PCCA: variants seen among roughly 807,000 people sequenced by gnomAD.
PCCA encodes propionyl-CoA carboxylase subunit alpha.
Under a neutral mutation model 101.3 loss-of-function variants are expected in PCCA, and 74 were observed. The ratio of observed to expected loss-of-function variants is 0.73; its 90% CI spans 0.61 to 0.89. PCCA has a LOEUF of 0.89. Among genes scored for constraint, PCCA ranks in the 40% least tolerant of loss-of-function variants. The pLI is 0.00. For missense variants in PCCA, 891 were observed against 907.0 expected (o/e 0.98, Z 0.23); for synonymous variants, 294 against 313.6 (o/e 0.94, Z 0.66).
chr13:100,225,792 C>CT (rs532050765), intron 7 of PCCA, among the ~76,000 whole-genome samples: 48 of 149,990 alleles, frequency 3.2e-4, no homozygotes, highest in Admixed American at 5.3e-4. Context: ...TTTTAGAAAG[C>CT]TTTTTTTTTT....
chr13:100,363,406 AG>A (rs1567007088), intron 18 of PCCA, among the ~76,000 whole-genome samples: 1 of 151,286 alleles, frequency 6.6e-6, no homozygotes, highest in Non-Finnish European at 1.5e-5. Flanking sequence ...GAGCCATGGG[AG>A]GGCTCCTTTG....
chr13:100,499,475 T>C (rs2085512900), intron 21 of PCCA, among the ~76,000 whole-genome samples: 1 of 152,274 alleles, frequency 6.6e-6, no homozygotes, highest in East Asian at 1.9e-4. Context: ...CTAGCCCACA[T>C]GGCTCTAGTC....
chr13:100,225,278 A>AT (rs920403651), intron 7 of PCCA, among the ~76,000 whole-genome samples: 2 of 152,164 alleles, frequency 1.3e-5, no homozygotes, highest in Non-Finnish European at 2.9e-5. Flanking sequence ...GGGAAGGATC[A>AT]TTGATGATTA....
chr13:100,257,927 G>C (rs1050004449), intron 9 of PCCA, among the ~76,000 whole-genome samples: 5 of 151,822 alleles, frequency 3.3e-5, no homozygotes, highest in Non-Finnish European at 5.9e-5. Context: ...TGTTTTTACC[G>C]TATATTTTTA....
At chr13:100,320,328 C>T (rs2067884062) in intron 16 of PCCA, among the ~76,000 whole-genome samples, 1 of 152,124 alleles carries the variant, frequency 6.6e-6, no homozygotes, top group Admixed American at 6.6e-5. Context: ...CTTTCTCCTG[C>T]CTGATTGCCC....
intron 20 of PCCA, among the ~76,000 whole-genome samples, chr13:100,436,770 A>G (rs1489190940): frequency 6.6e-6 from 1 of 152,174 alleles, no homozygotes; most frequent in Non-Finnish European, 1.5e-5. Context: ...AATTGGATGA[A>G]TAGGTGTGGG....
At chr13:100,209,849 C>G (rs1002510798) in intron 7 of PCCA, among the ~76,000 whole-genome samples, 5 of 152,138 alleles carry the variant, frequency 3.3e-5, no homozygotes, top group African/African-American at 9.7e-5. Flanking sequence ...CCAGGCTGGT[C>G]TCGAACTCCT....
chr13:100,379,850 T>C (rs1193456765), intron 19 of PCCA, among the ~76,000 whole-genome samples: 1 of 152,164 alleles, frequency 6.6e-6, no homozygotes, highest in Non-Finnish European at 1.5e-5. Flanking sequence ...TTATGGGAGC[T>C]ACAATTCAAG....
intron 6 of PCCA, among the ~76,000 whole-genome samples, chr13:100,206,418 C>T: frequency 6.6e-6 from 1 of 152,110 alleles, no homozygotes; most frequent in Non-Finnish European, 1.5e-5. Flanking sequence ...AGGCGTGCAC[C>T]ACCATGCCTA....
chr13:100,503,323 T>G (rs1342914370), intron 21 of PCCA, among the ~76,000 whole-genome samples: 1 of 151,960 alleles, frequency 6.6e-6, no homozygotes, highest in Non-Finnish European at 1.5e-5. Flanking sequence ...AAACCCTGTC[T>G]CTACTAAAAA....
chr13:100,254,821 C>T (rs1330495169), intron 8 of PCCA, among the ~76,000 whole-genome samples: 1 of 151,990 alleles, frequency 6.6e-6, no homozygotes, highest in Non-Finnish European at 1.5e-5. Context: ...GTGGCTTATG[C>T]CTGTAATCCC....
At chr13:100,299,574 C>A (rs2065895682) in intron 12 of PCCA, among the ~76,000 whole-genome samples, 1 of 152,122 alleles carries the variant, frequency 6.6e-6, no homozygotes, top group South Asian at 2.1e-4. Flanking sequence ...ATTTATTTGC[C>A]TTGTATATAG....
At chr13:100,270,760 G>C (rs1322404361) in intron 11 of PCCA, among the ~76,000 whole-genome samples, 1 of 152,158 alleles carries the variant, frequency 6.6e-6, no homozygotes, top group Non-Finnish European at 1.5e-5. Context: ...TGTAATCTTA[G>C]CACTTTGGGA....
At chr13:100,350,921 A>G (rs1191299076) in intron 18 of PCCA, among the ~76,000 whole-genome samples, 3 of 152,242 alleles carry the variant, frequency 2.0e-5, no homozygotes, top group Non-Finnish European at 4.4e-5. Flanking sequence ...TCAATGTGAA[A>G]CATTTTAATT....
intron 2 of PCCA, among the ~76,000 whole-genome samples, chr13:100,105,988 G>GCAC (rs1396032207): frequency 1.3e-5 from 2 of 151,514 alleles, no homozygotes; most frequent in African/African-American, 2.4e-5. Flanking sequence ...TGTACTATTA[G>GCAC]AATGTAATAA....
intron 6 of PCCA, among the ~76,000 whole-genome samples, chr13:100,203,642 A>G (rs971300530): frequency 6.6e-6 from 1 of 152,214 alleles, no homozygotes; most frequent in Non-Finnish European, 1.5e-5. Flanking sequence ...GCAATGAGCC[A>G]GGATTGCACC....
chr13:100,497,500 T>A (rs1258446065), intron 21 of PCCA, among the ~76,000 whole-genome samples: 1 of 151,794 alleles, frequency 6.6e-6, no homozygotes, highest in Non-Finnish European at 1.5e-5. Flanking sequence ...CAGTAAGTAC[T>A]GACTTACCAA....
At chr13:100,520,563 A>G (rs2087176673) in intron 22 of PCCA, among the ~76,000 whole-genome samples, 2 of 136,370 alleles carry the variant, frequency 1.5e-5, no homozygotes, top group South Asian at 4.9e-4. Flanking sequence ...TGAACCCGGA[A>G]GGCGGAGCTT....
At chr13:100,133,540 A>G (rs1018710760) in intron 4 of PCCA, among the ~76,000 whole-genome samples, 1 of 152,216 alleles carries the variant, frequency 6.6e-6, no homozygotes, top group East Asian at 1.9e-4. Flanking sequence ...TATGTGATCC[A>G]TCTTGAGTTA....
Sources: gnomAD v4.1 joint callset for allele counts (sites outside exome capture counted in the v4.1 genomes callset) on GRCh38, gnomAD v4.1.1 for gene constraint, MANE v1.5 for transcripts, NCBI Gene and HGNC (gene_info 2026-07-23, HGNC 2026-07-21) for gene names.